PCDHGA10: variants seen among roughly 807,000 people sequenced by gnomAD.
The protein encoded by PCDHGA10 is protocadherin gamma subfamily A, 10.
Under a neutral mutation model 59.5 loss-of-function variants are expected in PCDHGA10, and 42 were observed. The ratio of observed to expected loss-of-function variants is 0.71; its 90% CI spans 0.55 to 0.91. The LOEUF (loss-of-function observed/expected upper bound fraction) is 0.91, where lower values mean the gene tolerates loss of function less well. Ranked by LOEUF, PCDHGA10 falls within the 40% of genes least tolerant of loss-of-function variation. The pLI, the probability that PCDHGA10 is intolerant of heterozygous loss-of-function variation, is 0.00. For missense variants in PCDHGA10, 1,111 were observed against 1,198.2 expected (o/e 0.93, Z 1.07); for synonymous variants, 511 against 517.2 (o/e 0.99, Z 0.16).
chr5:141,490,010 T>C lies in PCDHGA10; in HGVS notation c.2437-4797T>C, dbSNP rs749356078. On this transcript the variant is annotated intron_variant, in intron 1 of 3. Coordinates refer to ENST00000398610, the MANE Select transcript of PCDHGA10 (RefSeq NM_018913.3). The surrounding 1 kb of genome is among the most constrained non-coding windows in gnomAD (Gnocchi z 5.4). ...GTGGGAATCCCAGAGAATGCACCCA[T>C]TGGTACTCTGCTGCTCCGCCTCAAT... 11 of 1,614,198 alleles carry C rather than the reference T, an allele frequency of 6.8e-6. No homozygotes were observed. The highest frequency in any genetic ancestry group is 2.2e-5 in the South Asian group (2 of 91,082).
chr5:141,423,927 T>A, intron 1 of PCDHGA10: 1 of 1,240,434 alleles, frequency 8.1e-7, no homozygotes, highest in Non-Finnish European at 1.0e-6. Context: ...TATGCTGGTT[T>A]GGTTTGAAGT....
At chr5:141,419,152 G>A (rs2096335735) in intron 1 of PCDHGA10, 25 of 1,613,916 alleles carry the variant, frequency 1.5e-5, no homozygotes, top group East Asian at 4.5e-5. Context: ...GCAAGCCTCC[G>A]TTATCCTCCA....
At position 141,486,548 on chromosome 5, in the gene PCDHGA10, T is replaced by C; in HGVS notation, c.2437-8259T>C. 1 of 1,614,100 alleles carries C rather than the reference T, an allele frequency of 6.2e-7. No individual in the cohort carries two copies. ...TAATCCACCCTCTTTCTTTCAGAGG[T>C]CACATGAGGTGTTTGTTCCTGAGAA... is the stretch of plus-strand genomic sequence containing the variant. On this transcript the variant is annotated intron_variant, in intron 1 of 3. Coordinates refer to ENST00000398610, the MANE Select transcript of PCDHGA10 (RefSeq NM_018913.3). The surrounding 1 kb of genome is among the most constrained non-coding windows in gnomAD (Gnocchi z 5.0).
At chr5:141,449,215 T>C (rs2098631967) in intron 1 of PCDHGA10, among the ~76,000 whole-genome samples, 2 of 152,170 alleles carry the variant, frequency 1.3e-5, no homozygotes, top group Non-Finnish European at 2.9e-5. Context: ...ACTTTCTGTT[T>C]TGAAATGATT....
At chr5:141,500,618 C>A (rs554274946) in intron 2 of PCDHGA10, among the ~76,000 whole-genome samples, 27 of 152,260 alleles carry the variant, frequency 1.8e-4, no homozygotes, top group African/African-American at 6.5e-4. Context: ...CCCAGTCATA[C>A]GGTACATTTC....
At chr5:141,421,873 T>G (rs1219669838) in intron 1 of PCDHGA10, 3 of 1,613,592 alleles carry the variant, frequency 1.9e-6, no homozygotes, top group Non-Finnish European at 2.5e-6. Context: ...CCTCACAGCT[T>G]TAGATGGAGG....
At chr5:141,500,546 G>A (rs1428503967) in intron 2 of PCDHGA10, among the ~76,000 whole-genome samples, 1 of 152,126 alleles carries the variant, frequency 6.6e-6, no homozygotes, top group African/African-American at 2.4e-5. Context: ...ACCTAAATAA[G>A]TTGTTCACAA....
Position 141,432,732 on chromosome 5 carries a change from T to G in PCDHGA10, c.2436+17121T>G, listed in dbSNP as rs1300743675. 2.5e-6 allele frequency: 4 copies of G among 1,613,940 alleles called. No individual in the cohort carries two copies. Among genetic ancestry groups the G allele is most frequent in the Non-Finnish European group, 3.4e-6 (4 of 1,179,992 alleles). On this transcript the variant is annotated intron_variant, in intron 1 of 3. Coordinates refer to ENST00000398610, the MANE Select transcript of PCDHGA10 (RefSeq NM_018913.3). This position sits in a 1 kb window ranked among gnomAD's most constrained non-coding sequence, Gnocchi z 6.0. ...GGCCAGCCCCCTCTCTCCGCCACTG[T>G]CACGCTCACCGTGGCCGTGGCCGAC...
intron 1 of PCDHGA10, chr5:141,468,330 C>CAAAAAA (rs533390277): frequency 1.3e-5 from 1 of 79,878 alleles, no homozygotes. Context: ...AACTCCATCT[C>CAAAAAA]AAAAAAAAAA....
intron 2 of PCDHGA10, 164 bp downstream of exon 2, chr5:141,495,029 G>A: frequency 2.1e-6 from 2 of 968,864 alleles, no homozygotes; most frequent in Non-Finnish European, 2.5e-6. Flanking sequence ...ACAGACCCCG[G>A]AAGGAAGAGG....
chr5:141,474,486 C>G (rs531956129), intron 1 of PCDHGA10, among the ~76,000 whole-genome samples: 11 of 152,326 alleles, frequency 7.2e-5, no homozygotes, highest in African/African-American at 2.4e-4. Context: ...TAAATGTATT[C>G]TATCTTCTAA....
At chr5:141,466,929 T>C (rs2099132302) in intron 1 of PCDHGA10, among the ~76,000 whole-genome samples, 1 of 152,232 alleles carries the variant, frequency 6.6e-6, no homozygotes, top group African/African-American at 2.4e-5. Context: ...TTAGGAATAT[T>C]AGTCCTTTGT....
intron 1 of PCDHGA10, among the ~76,000 whole-genome samples, chr5:141,425,967 G>A (rs1021171082): frequency 2.0e-5 from 3 of 152,214 alleles, no homozygotes; most frequent in Non-Finnish European, 4.4e-5. Flanking sequence ...CAACACATCA[G>A]TCTAATTCTG....
At chr5:141,483,425 G>A (rs1460083757) in intron 1 of PCDHGA10, among the ~76,000 whole-genome samples, 1 of 152,116 alleles carries the variant, frequency 6.6e-6, no homozygotes, top group Non-Finnish European at 1.5e-5. Flanking sequence ...ACAGATGGAG[G>A]GAGCTGACTA....
rs1177065576 is a variant in PCDHGA10 at position 141,414,799 on chromosome 5, G to T, written c.1624G>T (p.Gly542Trp). ...LQMQVTASDS[G>W]DPPLSSNVSL... ...GATGCAGGTGACAGCCAGCGACAGC[G>T]GGGATCCTCCACTCAGCAGCAACGT... The change falls in exon 1 of 4, where the codon GGG (glycine) becomes TGG (tryptophan). Residue 542 changes from glycine (G) to tryptophan (W), a missense_variant. By Grantham distance (184) the Gly-to-Trp change is radical. Transcript: ENST00000398610. 3 of 1,614,096 alleles carry T rather than the reference G, an allele frequency of 1.9e-6. No homozygotes were observed. Among genetic ancestry groups the T allele is most frequent in the Non-Finnish European group, 2.5e-6 (3 of 1,180,050 alleles).
At chr5:141,446,401 T>C (rs1321106896) in intron 1 of PCDHGA10, among the ~76,000 whole-genome samples, 1 of 152,166 alleles carries the variant, frequency 6.6e-6, no homozygotes, top group African/African-American at 2.4e-5. Context: ...AGAAATCGAG[T>C]TGAGTTCCAG....
Position 141,511,508 on chromosome 5 carries a change from C to T in PCDHGA10, c.*335C>T, listed in dbSNP as rs1339517659. 7.8e-6 allele frequency: 3 copies of T among 385,970 alleles called. No individual in the cohort carries two copies. Among genetic ancestry groups the T allele is most frequent in the Non-Finnish European group, 1.5e-5 (3 of 206,164 alleles). The allele number at this position is 385,970 out of a possible 1,614,324, so 23.9% of individuals were successfully genotyped here. Reference sequence around the variant, plus strand: ...TCCTCCATCTTCCAAATCAATCAGGCCCATCCATCCCATGCCTCCCTCCTC... The same window carrying T: ...TCCTCCATCTTCCAAATCAATCAGGTCCATCCATCCCATGCCTCCCTCCTC... On this transcript the variant is annotated 3_prime_UTR_variant, in exon 4 of 4. Coordinates refer to ENST00000398610, the MANE Select transcript of PCDHGA10 (RefSeq NM_018913.3).
intron 1 of PCDHGA10, among the ~76,000 whole-genome samples, chr5:141,456,135 G>A (rs1422353665): frequency 6.6e-6 from 1 of 152,052 alleles, no homozygotes; most frequent in Non-Finnish European, 1.5e-5. Context: ...CTGACCTCCT[G>A]ATCCGCCCGC....
chr5:141,455,660 G>A (rs1485792613), intron 1 of PCDHGA10, among the ~76,000 whole-genome samples: 1 of 152,134 alleles, frequency 6.6e-6, no homozygotes, highest in Non-Finnish European at 1.5e-5. Flanking sequence ...CCAGGAACTT[G>A]TGGGGCAAGG....
Sources: gnomAD v4.1 joint callset for allele counts (sites outside exome capture counted in the v4.1 genomes callset) on GRCh38, gnomAD v4.1.1 for gene constraint, Gnocchi (gnomAD v3.1) non-coding constraint, MANE v1.5 for transcripts, NCBI Gene and HGNC (gene_info 2026-07-23, HGNC 2026-07-21) for gene names.